The following ULK4 variants were observed in gnomAD, a reference collection of about 807,000 sequenced individuals.
ULK4 encodes unc-51 like kinase 4.
ULK4 carries 133 observed loss-of-function variants against 160.6 expected under a neutral mutation model. The ratio of observed to expected loss-of-function variants is 0.83; its 90% CI spans 0.72 to 0.96. ULK4 has a LOEUF of 0.96. Among genes scored for constraint, ULK4 ranks in the 40% least tolerant of loss-of-function variants. The probability of loss-of-function intolerance (pLI) is 0.00; values close to 1 mark genes in which losing one functional copy is unlikely to be tolerated. For missense variants in ULK4, 1,580 were observed against 1,499.5 expected (o/e 1.05, Z -0.89); for synonymous variants, 534 against 539.8 (o/e 0.99, Z 0.15).
Position 41,823,148 on chromosome 3 carries a change from T to C in ULK4, c.1765-3642A>G, listed in dbSNP as rs565844745. 4.4e-4 allele frequency among the ~76,000 whole-genome samples: 67 copies of C among 152,224 alleles called. 1 individual carries two copies. Among genetic ancestry groups the C allele is most frequent in the African/African-American group, 1.5e-3 (63 of 41,526 alleles). On this transcript the variant is annotated intron_variant, in intron 18 of 36. Transcript: ENST00000301831. ...ACAGGCTGGCTCCATCTCAGATCAC[T>C]CAGAGACAGGGAAAGGCTTTCTGAA...
At chr3:41,500,131 T>C (rs545196809) in intron 32 of ULK4, among the ~76,000 whole-genome samples, 1 of 152,090 alleles carries the variant, frequency 6.6e-6, no homozygotes, top group Non-Finnish European at 1.5e-5. Context: ...GATCTATCAG[T>C]TGGCTTTGTG....
At chr3:41,834,487 C>G (rs1467301276) in intron 18 of ULK4, among the ~76,000 whole-genome samples, 1 of 152,072 alleles carries the variant, frequency 6.6e-6, no homozygotes, top group African/African-American at 2.4e-5. Flanking sequence ...CAGAATTGGA[C>G]AAGCTGATTC....
At chr3:41,710,522 G>A (rs2037056932) in intron 25 of ULK4, among the ~76,000 whole-genome samples, 1 of 152,158 alleles carries the variant, frequency 6.6e-6, no homozygotes, top group Non-Finnish European at 1.5e-5. Context: ...AACCGGACGT[G>A]GTGGCTCATG....
intron 35 of ULK4, among the ~76,000 whole-genome samples, chr3:41,395,084 T>G (rs1396688268): frequency 3.3e-5 from 5 of 150,636 alleles, no homozygotes. Flanking sequence ...TACTTCCTAA[T>G]CACCACACAG....
intron 30 of ULK4, among the ~76,000 whole-genome samples, chr3:41,631,689 C>A (rs2033749221): frequency 6.6e-6 from 1 of 152,012 alleles, no homozygotes; most frequent in Non-Finnish European, 1.5e-5. Flanking sequence ...ATATTCCACA[C>A]CTGTTGAACA....
chr3:41,767,372 GCTT>G (rs1167652330), intron 21 of ULK4, among the ~76,000 whole-genome samples: 2 of 151,296 alleles, frequency 1.3e-5, no homozygotes, highest in Non-Finnish European at 3.0e-5. Flanking sequence ...AATACTTTTT[GCTT>G]TTTTAATAAA....
intron 30 of ULK4, among the ~76,000 whole-genome samples, chr3:41,648,982 G>C (rs1314033247): frequency 6.6e-6 from 1 of 152,072 alleles, no homozygotes; most frequent in African/African-American, 2.4e-5. Context: ...ACAAAAATTA[G>C]CCGGGCATGG....
chr3:41,911,702 T>C, intron 9 of ULK4, 43 bp from the exon 10 acceptor site: 1 of 1,419,902 alleles, frequency 7.0e-7, no homozygotes, highest in Non-Finnish European at 9.8e-7. Flanking sequence ...TACTTTGGAG[T>C]TCTCTATAGT....
chr3:41,582,574 C>A (rs942473841), intron 31 of ULK4, among the ~76,000 whole-genome samples: 2 of 152,198 alleles, frequency 1.3e-5, no homozygotes, highest in African/African-American at 4.8e-5. Flanking sequence ...TTCAACTCAT[C>A]TCTGAGGAGG....
intron 35 of ULK4, among the ~76,000 whole-genome samples, chr3:41,391,893 G>T (rs1486611241): frequency 6.6e-6 from 1 of 152,036 alleles, no homozygotes; most frequent in Non-Finnish European, 1.5e-5. Context: ...TGCTGCACCA[G>T]GTAGACGGGT....
rs1390991194 is a variant in ULK4, at chr3:41,250,649, A to G, written c.3679-1075T>C. ...AACATTTTTTAATCAACCACTCATG[A>G]TAGGTCACAGGGGTAACTAAACATT... On this transcript the variant is annotated intron_variant, in intron 35 of 36. Coordinates refer to ENST00000301831, the MANE Select transcript of ULK4 (RefSeq NM_017886.4). Among the ~76,000 whole-genome samples the G allele has an allele frequency of 3.3e-5, 5 of 152,218 alleles. No individual in the cohort carries two copies. In the East Asian group the frequency reaches 9.6e-4, roughly 29 times the overall value.
At chr3:41,395,138 G>A (rs1022488049) in intron 35 of ULK4, among the ~76,000 whole-genome samples, 12 of 149,586 alleles carry the variant, frequency 8.0e-5, no homozygotes, top group Non-Finnish European at 1.3e-4. Flanking sequence ...TTCCAAGGCT[G>A]CAGCAGTAAT....
At chr3:41,585,487 C>CT (rs1023769945) in intron 31 of ULK4, among the ~76,000 whole-genome samples, 2 of 152,164 alleles carry the variant, frequency 1.3e-5, no homozygotes, top group African/African-American at 4.8e-5. Flanking sequence ...TGAAGTTGAA[C>CT]TTTTACCTTA....
chr3:41,531,106 T>C (rs2086293643), intron 32 of ULK4, among the ~76,000 whole-genome samples: 1 of 150,352 alleles, frequency 6.7e-6, no homozygotes, highest in African/African-American at 2.4e-5. Context: ...TTTTGGCAGA[T>C]ACTGTAACAG....
rs773934320 is a variant in ULK4 at position 41,705,321 on chromosome 3, T to G, written c.2635-16A>C. On this transcript the variant is annotated splice_polypyrimidine_tract_variant and intron_variant, in intron 25 of 36. Coordinates refer to ENST00000301831, the MANE Select transcript of ULK4 (RefSeq NM_017886.4). Reference sequence around the variant, plus strand: ...TAATATGACTCTGAAAAAAAATAAATTTTTAATAAATAGAGTTTCAAAGTA... The same window carrying G: ...TAATATGACTCTGAAAAAAAATAAAGTTTTAATAAATAGAGTTTCAAAGTA... 4 of 1,586,728 alleles carry G rather than the reference T, an allele frequency of 2.5e-6. No homozygotes were observed. The highest frequency in any genetic ancestry group is 3.4e-6 in the Non-Finnish European group (4 of 1,164,194).
intron 32 of ULK4, among the ~76,000 whole-genome samples, chr3:41,545,587 A>G (rs1392123654): frequency 1.3e-5 from 2 of 152,122 alleles, no homozygotes; most frequent in Non-Finnish European, 1.5e-5. Context: ...GAGTTTGACT[A>G]TCGTGTGCTT....
chr3:41,413,308 A>G (rs1407011290), intron 34 of ULK4, among the ~76,000 whole-genome samples: 1 of 152,222 alleles, frequency 6.6e-6, no homozygotes, highest in Non-Finnish European at 1.5e-5. Flanking sequence ...GTGGGGACAC[A>G]GCCAAGCCAT....
At chr3:41,511,631 T>C (rs1291858659) in intron 32 of ULK4, among the ~76,000 whole-genome samples, 1 of 151,842 alleles carries the variant, frequency 6.6e-6, no homozygotes, top group East Asian at 1.9e-4. Context: ...AACAGTGAGA[T>C]TGAAATGGTA....
chr3:41,844,790 TAA>T (rs35532895), intron 17 of ULK4, among the ~76,000 whole-genome samples: 26,876 of 125,132 alleles, frequency 0.21, 2,677 homozygotes, highest in Middle Eastern at 0.35. Flanking sequence ...GAGGTTTTTC[TAA>T]AAAAAAAAAA....
Sources: gnomAD v4.1 joint callset for allele counts (sites outside exome capture counted in the v4.1 genomes callset) on GRCh38, gnomAD v4.1.1 for gene constraint, MANE v1.5 for transcripts, NCBI Gene and HGNC (gene_info 2026-07-23, HGNC 2026-07-21) for gene names.